The following DPP10 variants were observed in gnomAD, a reference collection of about 807,000 sequenced individuals.
DPP10 encodes the protein inactive dipeptidyl peptidase 10.
A neutral mutation model predicts 120.9 loss-of-function variants in DPP10; 33 were observed. The ratio of observed to expected loss-of-function variants is 0.27; its 90% CI spans 0.21 to 0.37. The LOEUF (loss-of-function observed/expected upper bound fraction) is 0.37, where lower values mean the gene tolerates loss of function less well. DPP10 is among the 10% of genes least tolerant of loss of function. The probability of loss-of-function intolerance (pLI) is 1.00; values close to 1 mark genes in which losing one functional copy is unlikely to be tolerated. For synonymous variants in DPP10, 337 were observed against 326.1 expected, an observed-to-expected ratio of 1.03 and a Z score of -0.36; for missense variants, 816 against 942.8, an observed-to-expected ratio of 0.87 and a Z score of 1.76.
chr2:114,534,868 C>T (rs1686350746), intron 1 of DPP10, among the ~76,000 whole-genome samples: 1 of 152,192 alleles, frequency 6.6e-6, no homozygotes, highest in East Asian at 1.9e-4. Flanking sequence ...TTATCTGCCT[C>T]TCCTGGTTCC....
At chr2:115,617,701 A>C (rs760598009) in intron 5 of DPP10, among the ~76,000 whole-genome samples, 2 of 152,040 alleles carry the variant, frequency 1.3e-5, no homozygotes, top group Admixed American at 6.6e-5. Context: ...TAGACCACCT[A>C]GGTTTGTGTA....
intron 5 of DPP10, among the ~76,000 whole-genome samples, chr2:115,642,701 G>A (rs1464706715): frequency 2.0e-5 from 3 of 150,362 alleles, no homozygotes; most frequent in Admixed American, 6.6e-5. Context: ...ACACACATAC[G>A]TACAAATATA....
intron 5 of DPP10, among the ~76,000 whole-genome samples, chr2:115,562,803 TA>T (rs2080769387): frequency 6.6e-6 from 1 of 152,210 alleles, no homozygotes; most frequent in Non-Finnish European, 1.5e-5. Flanking sequence ...ATTGTCTACA[TA>T]AGTTTAAGTT....
At chr2:115,766,188 A>G (rs72951969) in intron 12 of DPP10, among the ~76,000 whole-genome samples, 7,231 of 151,480 alleles carry the variant, frequency 0.048, 609 homozygotes, top group African/African-American at 0.17. Flanking sequence ...TTAGTGCAAA[A>G]GTAATTGAGG....
At chr2:115,578,553 G>A (rs913648764) in intron 5 of DPP10, among the ~76,000 whole-genome samples, 3 of 152,170 alleles carry the variant, frequency 2.0e-5, no homozygotes, top group African/African-American at 7.2e-5. Flanking sequence ...CCTCAGACAA[G>A]CGAAGACATG....
At chr2:115,777,631 T>G (rs1485261670) in intron 14 of DPP10, among the ~76,000 whole-genome samples, 156 bp from the exon 15 acceptor site, 1 of 152,142 alleles carries the variant, frequency 6.6e-6, no homozygotes, top group Non-Finnish European at 1.5e-5. Flanking sequence ...CTGTCTGTAT[T>G]TTGACAGTTT....
At chr2:115,501,591 A>G (rs1174264511) in intron 4 of DPP10, among the ~76,000 whole-genome samples, 2 of 152,102 alleles carry the variant, frequency 1.3e-5, no homozygotes, top group Non-Finnish European at 2.9e-5. Context: ...CCCTAAGGAC[A>G]TTTATGTCAC....
intron 24 of DPP10, among the ~76,000 whole-genome samples, chr2:115,837,644 A>G (rs541188854): frequency 1.3e-5 from 2 of 152,306 alleles, no homozygotes; most frequent in African/African-American, 4.8e-5. Context: ...CATCACATCA[A>G]CAGTGACAAG....
intron 1 of DPP10, among the ~76,000 whole-genome samples, chr2:115,236,548 C>T (rs993878735): frequency 6.6e-6 from 1 of 152,158 alleles, no homozygotes; most frequent in Non-Finnish European, 1.5e-5. Context: ...ACATTATTAA[C>T]TGATCACGGC....
chr2:114,832,645 C>G (rs1222399313), intron 1 of DPP10, among the ~76,000 whole-genome samples: 1 of 152,142 alleles, frequency 6.6e-6, no homozygotes, highest in Non-Finnish European at 1.5e-5. Context: ...TCAAATGTAA[C>G]TTAGAGTAAA....
intron 3 of DPP10, among the ~76,000 whole-genome samples, chr2:115,479,640 C>G (rs2075306813): frequency 6.9e-6 from 1 of 144,560 alleles, no homozygotes; most frequent in Admixed American, 6.7e-5. Flanking sequence ...TAAAAACACA[C>G]ATGTATATAT....
intron 1 of DPP10, among the ~76,000 whole-genome samples, chr2:115,184,116 G>T (rs976108406): frequency 6.6e-6 from 1 of 152,172 alleles, no homozygotes. Context: ...ATAAACAATT[G>T]CAAGAAAGTC....
At chr2:115,046,749 G>C (rs5015386) in intron 1 of DPP10, among the ~76,000 whole-genome samples, 147,240 of 152,138 alleles carry the variant, frequency 0.97, 71,460 homozygotes, top group Middle Eastern at 1. Context: ...TAAATGTACA[G>C]AGGCATTATA....
chr2:115,678,926 T>C (rs2090464297), intron 5 of DPP10, among the ~76,000 whole-genome samples: 1 of 152,242 alleles, frequency 6.6e-6, no homozygotes, highest in South Asian at 2.1e-4. Flanking sequence ...CTCTTGGATT[T>C]TGGACTTGCA....
chr2:114,637,464 G>C (rs1695381836), intron 1 of DPP10, among the ~76,000 whole-genome samples: 1 of 151,890 alleles, frequency 6.6e-6, no homozygotes, highest in Admixed American at 6.6e-5. Context: ...TATTTCAAGT[G>C]CTGTGCAGAA....
intron 1 of DPP10, among the ~76,000 whole-genome samples, chr2:115,077,580 A>G (rs1573524358): frequency 6.6e-6 from 1 of 152,344 alleles, no homozygotes; most frequent in African/African-American, 2.4e-5. Flanking sequence ...AAAATTCAGG[A>G]AGAATATTCT....
chr2:115,802,342 T>C (rs1248223669), intron 19 of DPP10, among the ~76,000 whole-genome samples: 1 of 152,206 alleles, frequency 6.6e-6, no homozygotes, highest in Non-Finnish European at 1.5e-5. Context: ...TTAGTCTTCC[T>C]AGCGGTCTAT....
chr2:114,517,522 A>AAG (rs1684698929), intron 1 of DPP10, among the ~76,000 whole-genome samples: 1 of 38,220 alleles, frequency 2.6e-5, no homozygotes, highest in African/African-American at 1.0e-4. Context: ...ACTCCGTCTC[A>AAG]AAAAAAAAAA....
intron 1 of DPP10, among the ~76,000 whole-genome samples, chr2:115,284,576 G>A (rs2060289559): frequency 6.6e-6 from 1 of 151,984 alleles, no homozygotes; most frequent in South Asian, 2.1e-4. Context: ...ACTAGCTTTT[G>A]GCTCAGTGGG....
Sources: allele counts gnomAD v4.1 joint callset (sites outside exome capture counted in the v4.1 genomes callset), GRCh38; gene constraint gnomAD v4.1.1; transcripts MANE v1.5; gene names NCBI Gene and HGNC (gene_info 2026-07-23, HGNC 2026-07-21).